SHISA9: variants seen among roughly 807,000 people sequenced by gnomAD.
SHISA9 encodes the protein shisa family member 9, also known as protein shisa-9.
A neutral mutation model predicts 38.0 loss-of-function variants in SHISA9; 13 were observed. The ratio of observed to expected loss-of-function variants is 0.34; its 90% CI spans 0.22 to 0.54. The LOEUF (loss-of-function observed/expected upper bound fraction) is 0.54, where lower values mean the gene tolerates loss of function less well. Ranked by LOEUF, SHISA9 falls within the 20% of genes least tolerant of loss-of-function variation. The pLI is 0.91. For missense variants in SHISA9, 538 were observed against 575.8 expected, an observed-to-expected ratio of 0.93 and a Z score of 0.67; for synonymous variants, 275 against 242.0, an observed-to-expected ratio of 1.14 and a Z score of -1.27.
At chr16:13,050,017 T>C (rs899107408) in intron 2 of SHISA9, among the ~76,000 whole-genome samples, 3 of 152,202 alleles carry the variant, frequency 2.0e-5, no homozygotes, top group African/African-American at 7.2e-5. Context: ...AAAGAAATCA[T>C]CTTGGAGGTG....
chr16:13,235,061 G>C lies in SHISA9; in HGVS notation c.927G>C (p.Lys309Asn), dbSNP rs762837579. ...AGGTCAATGACGACTTCTACACCAA[G>C]CGACGGCACCTGGCTGAGCTGGCTG... ...ADKVNDDFYT[K>N]RRHLAELAAK... Residue 309 changes from lysine (K) to asparagine (N), a missense_variant, in exon 5 of 5, where the codon AAG (lysine) becomes AAC (asparagine). By Grantham distance (94) the Lys-to-Asn change is moderately conservative. This residue lies in a region of SHISA9 where 326 missense variants were observed against 305.9 expected (regional missense o/e 1.07). Coordinates refer to ENST00000558583, the MANE Select transcript of SHISA9 (RefSeq NM_001145204.3). 2.3e-5 allele frequency: 36 copies of C among 1,551,064 alleles called. No individual in the cohort carries two copies. Among genetic ancestry groups the C allele is most frequent in the Non-Finnish European group, 2.7e-5 (31 of 1,146,862 alleles).
At chr16:13,138,264 T>C (rs956480486) in intron 2 of SHISA9, among the ~76,000 whole-genome samples, 1 of 152,152 alleles carries the variant, frequency 6.6e-6, no homozygotes, top group Non-Finnish European at 1.5e-5. Flanking sequence ...AAGCTGCATT[T>C]TAATAAAATG....
chr16:12,953,995 C>T (rs779661897), intron 2 of SHISA9, among the ~76,000 whole-genome samples: 8 of 152,176 alleles, frequency 5.3e-5, no homozygotes, highest in Admixed American at 3.3e-4. Context: ...CAGGTCCCTG[C>T]CTCAACCTGT....
At chr16:13,181,646 G>C (rs894392297) in intron 2 of SHISA9, among the ~76,000 whole-genome samples, 1 of 152,004 alleles carries the variant, frequency 6.6e-6, no homozygotes, top group African/African-American at 2.4e-5. Flanking sequence ...GTGTGTTAGA[G>C]ATTACCCTGA....
rs1484550652 is a variant in SHISA9, at chr16:12,901,922, C to A, written c.-143C>A. The stretch of plus-strand genomic sequence containing the variant: ...AGCGCAGTGGCCGCCGACCACCGAG[C>A]GCCCCGCGCCGCTCCCTGCATGTGC... On this transcript the variant is annotated 5_prime_UTR_variant, in exon 1 of 5. Transcript: ENST00000558583. 2.6e-5 allele frequency: 12 copies of A among 469,996 alleles called. No homozygotes were observed. The highest frequency in any genetic ancestry group is 3.8e-5 in the Non-Finnish European group (12 of 314,324). 29.1% of individuals were successfully genotyped at this position (469,996 alleles called of 1,614,324 possible).
chr16:12,949,261 A>G (rs1330048585), intron 2 of SHISA9, among the ~76,000 whole-genome samples: 3 of 152,190 alleles, frequency 2.0e-5, no homozygotes, highest in Non-Finnish European at 4.4e-5. Context: ...TGAGTCAAGA[A>G]CGAGGTCTCC....
chr16:13,188,595 T>C lies in SHISA9; in HGVS notation c.692-14799T>C, dbSNP rs374494594. Among the ~76,000 whole-genome samples the C allele has an allele frequency of 1.7e-4, 26 of 151,786 alleles. 2 individuals are homozygous for C. The highest frequency in any genetic ancestry group is 5.8e-4 in the African/African-American group (24 of 41,396). The stretch of plus-strand genomic sequence containing the variant: ...AGCCAGGCATGCTGGTGCATGTCTG[T>C]AGTCCCAGCAACTCAGGAGGCTGAG... On this transcript the variant is annotated intron_variant, in intron 2 of 4. Coordinates refer to ENST00000558583, the MANE Select transcript of SHISA9 (RefSeq NM_001145204.3).
the SHISA9 span, among the ~76,000 whole-genome samples, chr16:13,262,963 A>G: frequency 1.3e-5 from 2 of 152,164 alleles, no homozygotes. Context: ...CTTCATACAT[A>G]GACATGAGGG....
At chr16:13,132,361 A>G (rs997274059) in intron 2 of SHISA9, among the ~76,000 whole-genome samples, 1 of 152,090 alleles carries the variant, frequency 6.6e-6, no homozygotes, top group Non-Finnish European at 1.5e-5. Context: ...TAATATTATT[A>G]TTTTTTTCCC....
intron 2 of SHISA9, among the ~76,000 whole-genome samples, chr16:13,031,973 C>CTGGTGT: frequency 6.6e-6 from 1 of 152,102 alleles, no homozygotes; most frequent in South Asian, 2.1e-4. Flanking sequence ...CCACCCACAT[C>CTGGTGT]TGGTGTTGCA....
At chr16:13,019,956 T>C (rs1285153221) in intron 2 of SHISA9, among the ~76,000 whole-genome samples, 2,069 of 59,240 alleles carry the variant, frequency 0.035, 153 homozygotes, top group Non-Finnish European at 0.054. Flanking sequence ...TCTTTCTTTC[T>C]TTCCCTCCTT....
the SHISA9 span, among the ~76,000 whole-genome samples, chr16:13,481,262 T>G: frequency 6.6e-6 from 1 of 152,244 alleles, no homozygotes; most frequent in African/African-American, 2.4e-5. Context: ...CATGACATTC[T>G]TGCATTTTTT....
chr16:13,203,239 A>C (rs4781429), intron 2 of SHISA9, 155 bp from the exon 3 acceptor site: 1 of 585,744 alleles, frequency 1.7e-6, no homozygotes, highest in Non-Finnish European at 2.7e-6. Flanking sequence ...TATGAACTCA[A>C]TTGTGTCCCA....
the SHISA9 span, among the ~76,000 whole-genome samples, chr16:13,494,836 A>G: frequency 6.6e-6 from 1 of 152,218 alleles, no homozygotes; most frequent in East Asian, 1.9e-4. Context: ...TTTATTCACG[A>G]TAGCAAAAAA....
the SHISA9 span, among the ~76,000 whole-genome samples, chr16:13,354,849 T>C: frequency 6.6e-6 from 1 of 152,094 alleles, no homozygotes; most frequent in African/African-American, 2.4e-5. Context: ...GCACGTGTGT[T>C]TTTATGAGAA....
At chr16:13,247,988 T>C in the SHISA9 span, among the ~76,000 whole-genome samples, 21 of 152,386 alleles carry the variant, frequency 1.4e-4, no homozygotes, top group African/African-American at 4.1e-4. Flanking sequence ...TTTTTGATGC[T>C]GTAATTTGTT....
the SHISA9 span, among the ~76,000 whole-genome samples, chr16:13,249,192 G>A: frequency 6.6e-6 from 1 of 152,212 alleles, no homozygotes; most frequent in Non-Finnish European, 1.5e-5. Flanking sequence ...AGAGACATTA[G>A]TCCTGGTCCA....
chr16:13,028,076 C>G (rs2072946964), intron 2 of SHISA9, among the ~76,000 whole-genome samples: 1 of 151,298 alleles, frequency 6.6e-6, no homozygotes, highest in Non-Finnish European at 1.5e-5. Context: ...TGACTGCAAA[C>G]AGGTATGTGA....
chr16:13,548,874 G>T, the SHISA9 span, among the ~76,000 whole-genome samples: 1 of 152,046 alleles, frequency 6.6e-6, no homozygotes, highest in Non-Finnish European at 1.5e-5. Context: ...TATATACAAA[G>T]AAAATAAAAT....
Sources: gnomAD v4.1 joint callset for allele counts (sites outside exome capture counted in the v4.1 genomes callset) on GRCh38, gnomAD v4.1.1 for gene constraint, gnomAD v4.1.1 regional missense constraint, MANE v1.5 for transcripts, NCBI Gene and HGNC (gene_info 2026-07-23, HGNC 2026-07-21) for gene names.